The following USP10 variants were observed in gnomAD, a reference collection of about 807,000 sequenced individuals.
USP10 encodes the protein ubiquitin carboxyl-terminal hydrolase 10.
A neutral mutation model predicts 84.5 loss-of-function variants in USP10; 22 were observed. The ratio of observed to expected loss-of-function variants is 0.26; its 90% CI spans 0.19 to 0.37. The LOEUF (loss-of-function observed/expected upper bound fraction) is 0.37, where lower values mean the gene tolerates loss of function less well. Among genes scored for constraint, USP10 ranks in the 10% least tolerant of loss-of-function variants. USP10 has a pLI of 1.00. For synonymous variants in USP10, 454 were observed against 387.6 expected, an observed-to-expected ratio of 1.17 and a Z score of -2.01; for missense variants, 1,019 against 998.9, an observed-to-expected ratio of 1.02 and a Z score of -0.27.
intron 1 of USP10, among the ~76,000 whole-genome samples, chr16:84,713,888 G>T (rs1906639911): frequency 6.6e-6 from 1 of 152,252 alleles, no homozygotes. Context: ...GAAAGACCTG[G>T]CGTGTGCCGT....
At position 84,744,897 on chromosome 16, in the gene USP10, G is replaced by T; in HGVS notation, c.416G>T (p.Gly139Val). Residue 139 changes from glycine (G) to valine (V), a missense_variant, in exon 4 of 14, where the codon GGT (glycine) becomes GTT (valine). Around this residue, in one of 2 missense-constraint regions of USP10, gnomAD observed 787 missense variants for 708.8 expected, o/e 1.11. Transcript: ENST00000219473. ...GAGGCGGAAGTTTTGGAAAATGATGGTGTCTCAGGTGGTCTTGGACAAAGG... is the reference window on the plus strand; with the variant it reads ...GAGGCGGAAGTTTTGGAAAATGATGTTGTCTCAGGTGGTCTTGGACAAAGG... The part of the protein sequence containing the change: ...NVEAEVLEND[G>V]VSGGLGQRER... 1.9e-6 allele frequency: 3 copies of T among 1,613,778 alleles called. No individual in the cohort carries two copies. Among genetic ancestry groups the T allele is most frequent in the Non-Finnish European group, 2.5e-6 (3 of 1,179,724 alleles).
intron 1 of USP10, among the ~76,000 whole-genome samples, chr16:84,702,792 A>G (rs1905054930): frequency 6.6e-6 from 1 of 151,990 alleles, no homozygotes; most frequent in Non-Finnish European, 1.5e-5. Context: ...CAGGGGTTCG[A>G]GATCAGCCTG....
intron 1 of USP10, among the ~76,000 whole-genome samples, chr16:84,701,566 A>C (rs766891233): frequency 6.6e-6 from 1 of 152,236 alleles, no homozygotes; most frequent in African/African-American, 2.4e-5. Flanking sequence ...TAAAAGGCTC[A>C]TTATGAATTA....
intron 6 of USP10, 112 bp from the exon 7 acceptor site, chr16:84,759,779 C>G: frequency 8.8e-7 from 1 of 1,139,514 alleles, no homozygotes; most frequent in Non-Finnish European, 1.3e-6. Context: ...CATTGGTTAC[C>G]TAAAATCTAC....
At chr16:84,733,731 A>T (rs927918607) in intron 2 of USP10, among the ~76,000 whole-genome samples, 1 of 152,202 alleles carries the variant, frequency 6.6e-6, no homozygotes, top group African/African-American at 2.4e-5. Context: ...TACAGATGCA[A>T]CTGAAGCCTC....
At chr16:84,708,934 C>T (rs1238271855) in intron 1 of USP10, 1 of 152,208 alleles carries the variant, frequency 6.6e-6, no homozygotes, top group Non-Finnish European at 1.5e-5. Context: ...TTTAGAGGTT[C>T]GCTGGGTAGT....
At chr16:84,717,651 T>C (rs938471701) in intron 1 of USP10, among the ~76,000 whole-genome samples, 11 of 152,170 alleles carry the variant, frequency 7.2e-5, no homozygotes, top group Non-Finnish European at 1.5e-4. Context: ...TTATTGCAGA[T>C]ACCCAGGCAT....
chr16:84,778,264 C>A (rs1415940123), intron 13 of USP10, among the ~76,000 whole-genome samples: 1 of 152,150 alleles, frequency 6.6e-6, no homozygotes, highest in Non-Finnish European at 1.5e-5. Context: ...GCCATGTGGG[C>A]CGGCACCGGG....
At chr16:84,736,140 T>G (rs1597333807) in intron 2 of USP10, among the ~76,000 whole-genome samples, 1 of 152,194 alleles carries the variant, frequency 6.6e-6, no homozygotes, top group Admixed American at 6.5e-5. Flanking sequence ...TTTGGCCTTT[T>G]ATCTCTCAGG....
intron 4 of USP10, among the ~76,000 whole-genome samples, chr16:84,755,657 G>T (rs3180185): frequency 6.6e-6 from 1 of 151,674 alleles, no homozygotes; most frequent in African/African-American, 2.4e-5. Context: ...TTATGATTGG[G>T]TATGGTGGCA....
chr16:84,754,116 G>A (rs867843656), intron 4 of USP10, among the ~76,000 whole-genome samples: 22 of 152,134 alleles, frequency 1.4e-4, no homozygotes, highest in Non-Finnish European at 3.1e-4. Flanking sequence ...TCCAGAGAAG[G>A]AGGCACACAG....
chr16:84,765,957 C>G (rs1173396254), intron 10 of USP10, among the ~76,000 whole-genome samples: 1 of 152,172 alleles, frequency 6.6e-6, no homozygotes, highest in African/African-American at 2.4e-5. Context: ...GTTTACCCAT[C>G]GAAAGTACTG....
At chr16:84,778,258 T>C (rs998240095) in intron 13 of USP10, among the ~76,000 whole-genome samples, 10 of 152,132 alleles carry the variant, frequency 6.6e-5, no homozygotes, top group African/African-American at 1.9e-4. Context: ...CCTCCTGCCA[T>C]GTGGGCCGGC....
intron 1 of USP10, among the ~76,000 whole-genome samples, chr16:84,717,044 G>A (rs1386979150): frequency 6.6e-6 from 1 of 152,198 alleles, no homozygotes; most frequent in Admixed American, 6.5e-5. Flanking sequence ...AGTCCGTTGA[G>A]AATCAGCTGC....
chr16:84,747,674 C>A (rs1597358452), intron 4 of USP10, among the ~76,000 whole-genome samples: 1 of 149,280 alleles, frequency 6.7e-6, no homozygotes, highest in Admixed American at 6.8e-5. Flanking sequence ...AGTGATTCTC[C>A]TGCCTCGGCC....
chr16:84,776,526 G>A (rs988983706), intron 13 of USP10, among the ~76,000 whole-genome samples: 3 of 152,214 alleles, frequency 2.0e-5, no homozygotes, highest in African/African-American at 7.2e-5. Flanking sequence ...GGAATGGAAG[G>A]TCTGAGTCCT....
In USP10 at chr16:84,778,860, G is replaced by C. The variant is rs74992092; in HGVS notation, c.2210-35G>C. ...CCTGTAATGATTCGTGTGCAGTGCT[G>C]TTCTCACTCTGCTGCCTGCTGGGCT... On this transcript the variant is annotated intron_variant, in intron 13 of 13. Transcript: ENST00000219473. 6.7e-3 allele frequency: 10,631 copies of C among 1,596,436 alleles called. 195 individuals are homozygous for C. Among genetic ancestry groups the C allele is most frequent in the African/African-American group, 0.065 (4,834 of 74,758 alleles).
At chr16:84,713,726 A>G (rs1906618289) in intron 1 of USP10, among the ~76,000 whole-genome samples, 1 of 152,238 alleles carries the variant, frequency 6.6e-6, no homozygotes, top group South Asian at 2.1e-4. Flanking sequence ...AGGATCCAGA[A>G]TTAGAGAGAC....
intron 11 of USP10, 96 bp downstream of exon 11, chr16:84,768,454 A>G: frequency 8.0e-7 from 1 of 1,245,028 alleles, no homozygotes; most frequent in Non-Finnish European, 1.1e-6. Context: ...GGTTTGAGTT[A>G]TGCCTCTTAA....
Sources: allele counts gnomAD v4.1 joint callset (sites outside exome capture counted in the v4.1 genomes callset), GRCh38; gene constraint gnomAD v4.1.1; regional missense constraint gnomAD v4.1.1; transcripts MANE v1.5; gene names NCBI Gene and HGNC (gene_info 2026-07-23, HGNC 2026-07-21).